Variants in ZNF493 observed in about 807,000 individuals in gnomAD.
The protein encoded by ZNF493 is zinc finger protein 493.
A neutral mutation model predicts 12.2 loss-of-function variants in ZNF493; 11 were observed. The ratio of observed to expected loss-of-function variants is 0.90; its 90% CI spans 0.57 to 1.50. ZNF493 has a LOEUF of 1.50. Ranked by LOEUF, ZNF493 falls within the 40% of genes most tolerant of loss-of-function variation. The pLI is 0.00. For synonymous variants in ZNF493, 286 were observed against 302.6 expected, an observed-to-expected ratio of 0.95 and a Z score of 0.57; for missense variants, 950 against 906.6, an observed-to-expected ratio of 1.05 and a Z score of -0.61.
At chr19:21,402,454 A>G (rs1442722344) in intron 1 of ZNF493, among the ~76,000 whole-genome samples, 1 of 152,164 alleles carries the variant, frequency 6.6e-6, no homozygotes, top group Non-Finnish European at 1.5e-5. Flanking sequence ...AGGTAGACAT[A>G]TTAATAGAAT....
intron 3 of ZNF493, chr19:21,413,369 C>T: frequency 2.5e-6 from 1 of 406,416 alleles, no homozygotes; most frequent in East Asian, 3.6e-5. Context: ...TTCTCTGTGT[C>T]AGCCCTTGTT....
Position 21,424,365 on chromosome 19 carries a change from G to T in ZNF493, c.1706G>T (p.Gly569Val), listed in dbSNP as rs779212727. 1 of 1,608,518 alleles carries T rather than the reference G, an allele frequency of 6.2e-7. No homozygotes were observed. The highest frequency in any genetic ancestry group is 2.2e-5 in the East Asian group (1 of 44,598). Residue 569 changes from glycine to valine, a missense_variant, in exon 4 of 4, where the codon GGA (glycine) becomes GTA (valine). Gly to Val is a moderately radical substitution (Grantham distance 109). Transcript: ENST00000392288. The part of the protein sequence containing the change: ...HLTTHKRIHT[G>V]HKPYKCKECG... Reference sequence around the variant, plus strand: ...ACTACACATAAGAGAATTCATACTGGACACAAACCCTACAAATGTAAAGAA... The same window carrying T: ...ACTACACATAAGAGAATTCATACTGTACACAAACCCTACAAATGTAAAGAA...
intron 1 of ZNF493, 146 bp from the exon 2 acceptor site, chr19:21,404,983 G>A (rs756907008): frequency 7.3e-7 from 1 of 1,374,788 alleles, no homozygotes; most frequent in Non-Finnish European, 9.7e-7. Flanking sequence ...ATATTTCTGT[G>A]TTGAAAATTG....
At position 21,423,017 on chromosome 19, in the gene ZNF493, T is replaced by A. The variant is rs769383310; in HGVS notation, c.358T>A (p.Leu120Ile). 5.0e-6 allele frequency: 8 copies of A among 1,613,014 alleles called. No homozygotes were observed. The South Asian group carries it at 7.7e-5, about 16-fold the overall frequency. Reference protein sequence around the residue: ...REYVKCGHKDLQLRKGCKSMN... With the variant: ...REYVKCGHKDIQLRKGCKSMN... The stretch of plus-strand genomic sequence containing the variant: ...ATATGTAAAATGTGGACATAAGGAT[T>A]TACAGTTAAGAAAAGGATGTAAAAG... Residue 120 changes from leucine (L) to isoleucine (I), a missense_variant, in exon 4 of 4, where the codon TTA (leucine) becomes ATA (isoleucine). Transcript: ENST00000392288.
In ZNF493 at chr19:21,423,589, A is replaced by G; in HGVS notation, c.930A>G (p.Gly310=). 6.2e-7 allele frequency: 1 copy of G among 1,610,166 alleles called. No homozygotes were observed. Among genetic ancestry groups the G allele is most frequent in the Non-Finnish European group, 8.5e-7 (1 of 1,179,750 alleles). ...KTFNQSSTLT[G]HKIIHNGEKP... ...TTAACCAATCTTCAACCCTTACTGG[A>G]CATAAGATAATTCATAATGGAGAAA... The change falls in exon 4 of 4, where the codon GGA becomes GGG. Residue 310 remains glycine, a synonymous_variant. Coordinates refer to ENST00000392288, the MANE Select transcript of ZNF493 (RefSeq NM_001076678.3).
intron 3 of ZNF493, among the ~76,000 whole-genome samples, chr19:21,406,146 CG>C (rs770878677): frequency 7.2e-5 from 11 of 151,834 alleles, no homozygotes; most frequent in Non-Finnish European, 1.6e-4. Flanking sequence ...TGCTTGAAAC[CG>C]GGAGGCAGAG....
Position 21,407,825 on chromosome 19 carries a change from A to AG in ZNF493, c.253+1969_253+1970insG, listed in dbSNP as rs2030183768. On this transcript the variant is annotated intron_variant, in intron 3 of 3. Coordinates refer to ENST00000392288, the MANE Select transcript of ZNF493 (RefSeq NM_001076678.3). ...CTTTAAAAAGAATTCTTTTTTCATT[A>AG]TTCTGCCACATGCTTCCAGTGCTAT... 4.1e-6 allele frequency: 4 copies of AG among 985,204 alleles called. No individual in the cohort carries two copies. The African/African-American group carries it at 7.0e-5, about 17-fold the overall frequency. The allele number at this position is 985,204 out of a possible 1,614,324, so 61.0% of individuals were successfully genotyped here. A position where few individuals can be genotyped will look rare whatever the true frequency, so the allele number is the denominator to read the frequency against.
chr19:21,412,395 TCCGGTAAACCGAC>T (rs899415539), intron 3 of ZNF493: 4 of 152,508 alleles, frequency 2.6e-5, no homozygotes, highest in Non-Finnish European at 4.4e-5. Context: ...TTGCCCTCAT[TCCGGTAAACCGAC>T]AGCCTTCCAG....
intron 3 of ZNF493, chr19:21,408,806 ATG>A (rs1221415292): frequency 3.0e-5 from 29 of 980,434 alleles, no homozygotes; most frequent in Admixed American, 1.9e-4. Flanking sequence ...ACAATCATAT[ATG>A]TGTGTGTGTT....
intron 1 of ZNF493, chr19:21,397,475 C>T (rs917313462): frequency 1.5e-6 from 1 of 653,182 alleles, no homozygotes; most frequent in Non-Finnish European, 2.8e-6. Context: ...TGTCTCTTCC[C>T]TGCACTGTGA....
chr19:21,408,100 AGTT>A (rs1204478018), intron 3 of ZNF493: 1 of 591,376 alleles, frequency 1.7e-6, no homozygotes, highest in Non-Finnish European at 2.1e-6. Context: ...AGGCTTGGGT[AGTT>A]GTACTTCCCA....
At chr19:21,408,592 G>T in intron 3 of ZNF493, 1 of 984,972 alleles carries the variant, frequency 1.0e-6, no homozygotes, top group Non-Finnish European at 1.2e-6. Context: ...TTTTTTAATG[G>T]TATATTAATG....
Position 21,427,560 on chromosome 19 carries a change from GTGT to G in ZNF493, c.*2581_*2583del, listed in dbSNP as rs1011054352. 6.6e-6 allele frequency: 1 copy of G among 152,080 alleles called. No homozygotes were observed. The highest frequency in any genetic ancestry group is 2.4e-5 in the African/African-American group (1 of 41,410). 9.4% of individuals were successfully genotyped at this position (152,080 alleles called of 1,614,324 possible). Reference sequence around the variant, plus strand: ...TAAATATTATTGTGCATTCAATAAAGTGTTGTTATGCCACAAAGATTAACATTT... The same window carrying G: ...TAAATATTATTGTGCATTCAATAAAGTGTTATGCCACAAAGATTAACATTT... On this transcript the variant is annotated 3_prime_UTR_variant, in exon 4 of 4. Transcript: ENST00000392288.
chr19:21,409,010 A>G lies in ZNF493; in HGVS notation c.253+3154A>G, dbSNP rs2030234598. On this transcript the variant is annotated intron_variant, in intron 3 of 3. Coordinates refer to ENST00000392288, the MANE Select transcript of ZNF493 (RefSeq NM_001076678.3). Reference sequence around the variant, plus strand: ...CGTCATTCTCCTGCCTCAGCCTCCCAAGTAGCTGGGACTACAGGCGCCTGC... The same window carrying G: ...CGTCATTCTCCTGCCTCAGCCTCCCGAGTAGCTGGGACTACAGGCGCCTGC... 3.3e-5 allele frequency among the ~76,000 whole-genome samples: 5 copies of G among 151,098 alleles called. No homozygotes were observed. In the Admixed American group the frequency reaches 3.3e-4, roughly 10 times the overall value.
chr19:21,399,151 A>T (rs1213967460), intron 1 of ZNF493, among the ~76,000 whole-genome samples: 1 of 151,676 alleles, frequency 6.6e-6, no homozygotes, highest in African/African-American at 2.4e-5. Context: ...TTATTTATTT[A>T]TTTTTTATTT....
rs2145313721 is a variant in ZNF493, at chr19:21,424,278, C to G, written c.1619C>G (p.Thr540Ser). ...STLTIHKMIHTGEKPYKCEEC... is the reference protein window; with the variant it reads ...STLTIHKMIHSGEKPYKCEEC... ...CTTACTATACATAAAATGATTCACA[C>G]TGGAGAAAAACCCTACAAATGTGAA... The change falls in exon 4 of 4, where the codon ACT becomes AGT. Residue 540 changes from threonine (T) to serine (S), a missense_variant. Transcript: ENST00000392288. The G allele has an allele frequency of 6.2e-7, 1 of 1,613,440 alleles. No homozygotes were observed. Among genetic ancestry groups the G allele is most frequent in the East Asian group, 2.2e-5 (1 of 44,780 alleles).
In ZNF493 at chr19:21,405,350, A is replaced by G; in HGVS notation, c.157+95A>G. The stretch of plus-strand genomic sequence containing the variant: ...ATTTTTGGTAATTTATGCTTTGCAT[A>G]AGTGAGTTTCTGGTGCCTGTTTTAA... On this transcript the variant is annotated intron_variant, in intron 2 of 3. Coordinates refer to ENST00000392288, the MANE Select transcript of ZNF493 (RefSeq NM_001076678.3). 6 of 1,531,380 alleles carry G rather than the reference A, an allele frequency of 3.9e-6. No homozygotes were observed. In the South Asian group the frequency reaches 5.3e-5, roughly 14 times the overall value. The allele number at this position is 1,531,380 out of a possible 1,614,324, so 94.9% of individuals were successfully genotyped here.
In ZNF493 at chr19:21,424,787, G is replaced by A; in HGVS notation, c.2128G>A (p.Glu710Lys). The change falls in exon 4 of 4, where the codon GAG becomes AAG. Residue 710 changes from glutamate to lysine, a missense_variant. Physicochemically the swap from Glu to Lys is moderately conservative, Grantham distance 56. Transcript: ENST00000392288. ...LNTHKIIHTG[E>K]KPCKCEECGK... ...TACGCATAAGATAATTCATACTGGA[G>A]AGAAACCTTGCAAATGTGAAGAATG... 6.2e-7 allele frequency: 1 copy of A among 1,612,302 alleles called. No individual in the cohort carries two copies.
intron 3 of ZNF493, chr19:21,412,592 G>T (rs573747640): frequency 6.5e-6 from 1 of 154,246 alleles, no homozygotes; most frequent in African/African-American, 2.4e-5. Flanking sequence ...GCTACTTCTC[G>T]CAGGAGTCAG....
Sources: allele counts gnomAD v4.1 joint callset (sites outside exome capture counted in the v4.1 genomes callset), GRCh38; gene constraint gnomAD v4.1.1; transcripts MANE v1.5; gene names NCBI Gene and HGNC (gene_info 2026-07-23, HGNC 2026-07-21).